The following ACSL4 variants were observed in gnomAD, a reference collection of about 807,000 sequenced individuals.
ACSL4 encodes long-chain-fatty-acid--CoA ligase 4.
A neutral mutation model predicts 49.1 loss-of-function variants in ACSL4; 9 were observed. That is an observed-to-expected ratio of 0.18 (90% CI 0.11 to 0.32). ACSL4 has a LOEUF of 0.32. ACSL4 is among the 10% of genes least tolerant of loss of function. The pLI, the probability that ACSL4 is intolerant of heterozygous loss-of-function variation, is 1.00. For missense variants in ACSL4, 333 were observed against 493.7 expected (o/e 0.67, Z 3.08); for synonymous variants, 191 against 170.3 (o/e 1.12, Z -0.95).
chrX:109,695,206 G>A (rs1234168346), intron 2 of ACSL4, among the ~76,000 whole-genome samples: 1 of 108,843 alleles, frequency 9.2e-6, no homozygotes, highest in Non-Finnish European at 1.9e-5. Context: ...TTAGCCAGGC[G>A]CCATGGCGGG....
At chrX:109,728,449 T>G (rs1928175487) in intron 1 of ACSL4, among the ~76,000 whole-genome samples, 1 of 112,716 alleles carries the variant, frequency 8.9e-6, no homozygotes, top group Non-Finnish European at 1.9e-5. Context: ...TATTTTTAAT[T>G]TAGAAAGTGA....
chrX:109,724,802 C>T (rs1277300734), intron 1 of ACSL4, among the ~76,000 whole-genome samples: 1 of 110,144 alleles, frequency 9.1e-6, no homozygotes, highest in Non-Finnish European at 1.9e-5. Flanking sequence ...ATCCCAGCTA[C>T]TCGGGTGGCT....
intron 1 of ACSL4, among the ~76,000 whole-genome samples, chrX:109,728,759 A>G (rs754888748): frequency 8.9e-6 from 1 of 112,533 alleles, no homozygotes; most frequent in Admixed American, 9.4e-5. Flanking sequence ...AGATTTCTTG[A>G]CACCAAAAGC....
intron 9 of ACSL4, among the ~76,000 whole-genome samples, chrX:109,671,534 G>T (rs1009143268): frequency 8.9e-6 from 1 of 112,337 alleles, no homozygotes; most frequent in African/African-American, 3.2e-5. Context: ...CGTCTGGGAG[G>T]TGAGGAGCCC....
At chrX:109,647,490 A>G (rs1343836412) in intron 15 of ACSL4, among the ~76,000 whole-genome samples, 1 of 112,062 alleles carries the variant, frequency 8.9e-6, no homozygotes, top group East Asian at 2.8e-4. Flanking sequence ...ACAAAGACAC[A>G]ATATACCAGA....
rs749405361 is a variant in ACSL4, at chrX:109,726,842, C to CT, written c.-66+6296dup. Among the ~76,000 whole-genome samples the CT allele has an allele frequency of 5.5e-3, 603 of 109,022 alleles. 2 individuals are homozygous for CT. Among genetic ancestry groups the CT allele is most frequent in the African/African-American group, 0.019 (583 of 29,966 alleles). The allele number at this position is 109,022 out of a possible 115,157, so 94.7% of individuals were successfully genotyped here. On this transcript the variant is annotated intron_variant, in intron 1 of 15. Transcript: ENST00000672401. ...TACAGGCACATGCCACCATGCCTGG[C>CT]TTTTTTTGTTGTTTTTTGTTGTTGT...
chrX:109,665,370 G>A, intron 12 of ACSL4, 50 bp downstream of exon 12: 3 of 1,035,614 alleles, frequency 2.9e-6, no homozygotes, highest in Non-Finnish European at 4.1e-6. Context: ...AAAGCTGACA[G>A]TAGTTTTCAG....
chrX:109,697,998 C>A (rs2147484853), intron 1 of ACSL4, among the ~76,000 whole-genome samples: 1 of 111,074 alleles, frequency 9.0e-6, no homozygotes, highest in South Asian at 3.8e-4. Context: ...TAAATATTTG[C>A]AAAGGATAGT....
At chrX:109,648,183 C>T (rs1220108076) in intron 15 of ACSL4, among the ~76,000 whole-genome samples, 4 of 111,589 alleles carry the variant, frequency 3.6e-5, no homozygotes, top group African/African-American at 1.3e-4. Context: ...ATGAGGCCAG[C>T]ATCATCCTGA....
chrX:109,682,445 C>T (rs773258216), intron 4 of ACSL4, among the ~76,000 whole-genome samples: 33 of 99,934 alleles, frequency 3.3e-4, no homozygotes, highest in Admixed American at 7.7e-4. Flanking sequence ...CAAACTCCAA[C>T]TCTTTCAGTT....
chrX:109,643,445 T>A lies in ACSL4; in HGVS notation c.*584A>T, dbSNP rs1033964856. 3 of 112,525 alleles carry A rather than the reference T, an allele frequency of 2.7e-5. No homozygotes were observed. Among genetic ancestry groups the A allele is most frequent in the Non-Finnish European group, 3.7e-5 (2 of 53,435 alleles). 9.3% of individuals were successfully genotyped at this position (112,525 alleles called of 1,213,427 possible). ...TAGGCACTGTAATTATTCACAACATTACAATGACTCTATATCTAACCTATG... is the reference window on the plus strand; with the variant it reads ...TAGGCACTGTAATTATTCACAACATAACAATGACTCTATATCTAACCTATG... On this transcript the variant is annotated 3_prime_UTR_variant, in exon 16 of 16. Coordinates refer to ENST00000672401, the MANE Select transcript of ACSL4 (RefSeq NM_001318510.2).
At position 109,644,187 on chromosome X, in the gene ACSL4, C is replaced by A; in HGVS notation, c.1856-1G>T. Reference sequence around the variant, plus strand: ...GGAATTTCAAATCGCTCCAATTTCACTGAAATTAGAAGTGAAAGATGGGAG... The same window carrying A: ...GGAATTTCAAATCGCTCCAATTTCAATGAAATTAGAAGTGAAAGATGGGAG... On this transcript the variant is annotated splice_acceptor_variant, in intron 15 of 15. Coordinates refer to ENST00000672401, the MANE Select transcript of ACSL4 (RefSeq NM_001318510.2). LOFTEE classifies it high-confidence loss of function. 8.3e-7 allele frequency: 1 copy of A among 1,198,812 alleles called. No individual in the cohort carries two copies. Among genetic ancestry groups the A allele is most frequent in the Non-Finnish European group, 1.1e-6 (1 of 887,930 alleles).
At chrX:109,694,129 T>A (rs1410376044) in intron 2 of ACSL4, among the ~76,000 whole-genome samples, 3 of 112,282 alleles carry the variant, frequency 2.7e-5, no homozygotes. Flanking sequence ...CTAATTCTGA[T>A]CTGCTGATAC....
At chrX:109,664,159 G>A (rs1922431698) in intron 12 of ACSL4, among the ~76,000 whole-genome samples, 1 of 110,523 alleles carries the variant, frequency 9.0e-6, no homozygotes. Flanking sequence ...AAAACCCATT[G>A]TATGTTAAAA....
At chrX:109,686,663 AT>A (rs765769368) in intron 2 of ACSL4, among the ~76,000 whole-genome samples, 1 of 111,407 alleles carries the variant, frequency 9.0e-6, no homozygotes, top group African/African-American at 3.3e-5. Context: ...TTTTTTAGTT[AT>A]TGATGTTACA....
At chrX:109,707,567 T>G (rs1484314051) in intron 1 of ACSL4, among the ~76,000 whole-genome samples, 1 of 111,135 alleles carries the variant, frequency 9.0e-6, no homozygotes, top group Non-Finnish European at 1.9e-5. Context: ...CCTCCTGCTG[T>G]GCAGCACAGC....
chrX:109,719,246 C>T (rs953485301), intron 1 of ACSL4, among the ~76,000 whole-genome samples: 2 of 111,231 alleles, frequency 1.8e-5, no homozygotes, highest in African/African-American at 6.6e-5. Flanking sequence ...TTTATGTAAC[C>T]AAACAAAAAT....
intron 1 of ACSL4, among the ~76,000 whole-genome samples, chrX:109,728,463 C>T (rs997493477): frequency 2.7e-5 from 3 of 112,243 alleles, no homozygotes; most frequent in East Asian, 2.8e-4. Flanking sequence ...AAAGTGAAAC[C>T]AAAAACCTCT....
At chrX:109,658,349 C>T (rs2147384319) in intron 15 of ACSL4, among the ~76,000 whole-genome samples, 1 of 111,534 alleles carries the variant, frequency 9.0e-6, no homozygotes, top group South Asian at 3.7e-4. Context: ...CAGTCCTCTT[C>T]AACTGGCCTT....
Sources: gnomAD v4.1 joint callset for allele counts (sites outside exome capture counted in the v4.1 genomes callset) on GRCh38, gnomAD v4.1.1 for gene constraint, MANE v1.5 for transcripts, NCBI Gene and HGNC (gene_info 2026-07-23, HGNC 2026-07-21) for gene names.